Variants in EYS observed in about 807,000 individuals in gnomAD.
The protein encoded by EYS is protein eyes shut homolog.
EYS carries 250 observed loss-of-function variants against 282.1 expected under a neutral mutation model. The ratio of observed to expected loss-of-function variants is 0.89; its 90% CI spans 0.80 to 0.98. The LOEUF (loss-of-function observed/expected upper bound fraction) is 0.98, where lower values mean the gene tolerates loss of function less well. Ranked by LOEUF, EYS falls within the 50% of genes least tolerant of loss-of-function variation. The pLI is 0.00. For missense variants in EYS, 4,016 were observed against 3,709.0 expected, an observed-to-expected ratio of 1.08 and a Z score of -2.15; for synonymous variants, 1,355 against 1,282.9, an observed-to-expected ratio of 1.06 and a Z score of -1.20.
At chr6:63,916,366 C>G (rs1236923712) in intron 35 of EYS, among the ~76,000 whole-genome samples, 1 of 152,204 alleles carries the variant, frequency 6.6e-6, no homozygotes, top group African/African-American at 2.4e-5. Flanking sequence ...TTCTCATATC[C>G]TTGCCTTAAC....
At chr6:64,463,051 A>T (rs4111159) in intron 26 of EYS, among the ~76,000 whole-genome samples, 1 of 146,134 alleles carries the variant, frequency 6.8e-6, no homozygotes, top group South Asian at 2.1e-4. Context: ...GGTTCACGCC[A>T]TTCTCCTGCC....
chr6:65,276,275 T>C (rs911794655), intron 12 of EYS, among the ~76,000 whole-genome samples: 4 of 152,084 alleles, frequency 2.6e-5, no homozygotes, highest in Non-Finnish European at 5.9e-5. Context: ...TGGTCCAGGA[T>C]AGGAAGAGTA....
In EYS at chr6:63,990,102, A is replaced by T. The variant is rs144830876; in HGVS notation, c.6835-5499T>A. Among the ~76,000 whole-genome samples, 1,240 of 151,766 alleles carry T rather than the reference A, an allele frequency of 8.2e-3. 20 individuals are homozygous for T. The highest frequency in any genetic ancestry group is 0.026 in the African/African-American group (1,094 of 41,456). ...CACATTGATCTAGGGAAGTGTAAAT[A>T]AAAAAGAAGTATGTGGGATTACTCT... On this transcript the variant is annotated intron_variant, in intron 34 of 42. Coordinates refer to ENST00000503581, the MANE Select transcript of EYS (RefSeq NM_001142800.2).
At chr6:63,798,188 G>C (rs1282042362) in intron 37 of EYS, among the ~76,000 whole-genome samples, 1 of 152,186 alleles carries the variant, frequency 6.6e-6, no homozygotes, top group Admixed American at 6.5e-5. Context: ...AGATTTGCAA[G>C]TATCTGTATA....
intron 26 of EYS, among the ~76,000 whole-genome samples, chr6:64,498,091 G>C (rs1334394372): frequency 2.0e-5 from 3 of 151,990 alleles, no homozygotes; most frequent in Admixed American, 6.6e-5. Flanking sequence ...TTTGATTTGT[G>C]GAAGTTTTCT....
At chr6:65,595,542 T>G (rs1741207473) in intron 2 of EYS, among the ~76,000 whole-genome samples, 2 of 152,010 alleles carry the variant, frequency 1.3e-5, no homozygotes, top group South Asian at 4.1e-4. Flanking sequence ...TCCTTATCTG[T>G]AAATTCAGAT....
At chr6:64,860,032 T>C (rs1766185845) in intron 19 of EYS, among the ~76,000 whole-genome samples, 1 of 152,246 alleles carries the variant, frequency 6.6e-6, no homozygotes, top group African/African-American at 2.4e-5. Context: ...GTGGCAGTTT[T>C]TCTTTGTTTC....
At chr6:65,214,100 A>G (rs1174030005) in intron 12 of EYS, among the ~76,000 whole-genome samples, 1 of 134,942 alleles carries the variant, frequency 7.4e-6, no homozygotes, top group Admixed American at 8.4e-5. Context: ...TGGAGCTTGC[A>G]GTGAGCCGAG....
intron 31 of EYS, among the ~76,000 whole-genome samples, chr6:64,122,030 T>C (rs562779031): frequency 6.6e-6 from 1 of 152,320 alleles, no homozygotes; most frequent in South Asian, 2.1e-4. Context: ...TGATAATGTG[T>C]GATTTACCCT....
chr6:64,603,936 C>T (rs1766842002), intron 24 of EYS, among the ~76,000 whole-genome samples: 1 of 150,376 alleles, frequency 6.6e-6, no homozygotes, highest in Non-Finnish European at 1.5e-5. Context: ...AAAAAGGTGG[C>T]CAAGCTCTCA....
At chr6:64,644,873 T>C (rs956031113) in intron 22 of EYS, among the ~76,000 whole-genome samples, 1 of 152,100 alleles carries the variant, frequency 6.6e-6, no homozygotes, top group African/African-American at 2.4e-5. Context: ...AAGATGTACA[T>C]TTACTGGATG....
In EYS at chr6:63,907,987, TACAC is replaced by T. The variant is rs60426309; in HGVS notation, c.7056-43633_7056-43630del. ...CTGAATAGTATTGACTGTATATATG[TACAC>T]ACACACACACACACACAAACGTATA... is the stretch of plus-strand genomic sequence containing the variant. On this transcript the variant is annotated intron_variant, in intron 35 of 42. Transcript: ENST00000503581. Among the ~76,000 whole-genome samples the T allele has an allele frequency of 8.3e-3, 883 of 105,924 alleles. 3 individuals are homozygous for T. The highest frequency in any genetic ancestry group is 0.012 in the Non-Finnish European group (645 of 52,330). 69.5% of individuals were successfully genotyped at this position (105,924 alleles called of 152,430 possible).
At chr6:65,497,498 G>A (rs562279177) in intron 2 of EYS, among the ~76,000 whole-genome samples, 1 of 152,088 alleles carries the variant, frequency 6.6e-6, no homozygotes, top group East Asian at 1.9e-4. Context: ...AAGGAAGTAA[G>A]AGAAGTGGAG....
At chr6:64,338,677 G>A (rs573493746) in intron 29 of EYS, among the ~76,000 whole-genome samples, 1 of 151,768 alleles carries the variant, frequency 6.6e-6, no homozygotes, top group Non-Finnish European at 1.5e-5. Context: ...CATAGCCAAA[G>A]CAAGACTGAG....
At chr6:65,292,919 TTATAATA>T (rs1020548516) in intron 12 of EYS, among the ~76,000 whole-genome samples, 6 of 151,680 alleles carry the variant, frequency 4.0e-5, no homozygotes, top group Non-Finnish European at 7.4e-5. Context: ...CAAGTCAAAT[TTATAATA>T]TATAAGATTG....
At chr6:64,032,545 A>T (rs1375386341) in intron 33 of EYS, among the ~76,000 whole-genome samples, 1 of 152,140 alleles carries the variant, frequency 6.6e-6, no homozygotes, top group Non-Finnish European at 1.5e-5. Context: ...GTTAGCACAG[A>T]CCCTACGGGT....
intron 12 of EYS, among the ~76,000 whole-genome samples, chr6:65,266,997 G>T (rs945153210): frequency 1.8e-4 from 27 of 149,120 alleles, no homozygotes; most frequent in African/African-American, 5.0e-4. Flanking sequence ...TATAGAGAGA[G>T]AGAGAGAGAG....
intron 13 of EYS, among the ~76,000 whole-genome samples, chr6:65,030,901 A>T (rs966643247): frequency 1.3e-5 from 2 of 152,156 alleles, no homozygotes; most frequent in African/African-American, 4.8e-5. Context: ...TGTCTTTAAG[A>T]GACCCATATT....
chr6:65,402,665 T>A (rs1766563439), intron 6 of EYS, 60 bp from the exon 7 acceptor site: 3 of 1,179,284 alleles, frequency 2.5e-6, no homozygotes, highest in Admixed American at 3.5e-5. Context: ...AGGTAATGAA[T>A]GGGTTCTTAC....
Sources: gnomAD v4.1 joint callset for allele counts (sites outside exome capture counted in the v4.1 genomes callset) on GRCh38, gnomAD v4.1.1 for gene constraint, MANE v1.5 for transcripts, NCBI Gene and HGNC (gene_info 2026-07-23, HGNC 2026-07-21) for gene names.